IFFO1: variants seen among roughly 807,000 people sequenced by gnomAD.
IFFO1 encodes intermediate filament family orphan 1, also known as non-homologous end joining factor IFFO1.
In IFFO1, 42 loss-of-function variants were observed where a neutral mutation model predicts 59.6. The observed-to-expected ratio is 0.70, with a 90% CI of 0.55 to 0.91. The LOEUF is 0.91. Ranked by LOEUF, IFFO1 falls within the 40% of genes least tolerant of loss-of-function variation. The pLI is 0.00. For synonymous variants in IFFO1, 336 were observed against 342.8 expected, an observed-to-expected ratio of 0.98 and a Z score of 0.22; for missense variants, 711 against 793.2, an observed-to-expected ratio of 0.90 and a Z score of 1.24.
chr12:6,540,534 G>A lies in IFFO1; in HGVS notation c.1665C>T (p.Ser555=), dbSNP rs1277826801. Residue 555 remains serine (S), a synonymous_variant, in exon 10 of 10, where the codon AGC becomes AGT. Coordinates refer to ENST00000619571, the MANE Select transcript of IFFO1 (RefSeq NM_001193457.2). The stretch of plus-strand genomic sequence containing the variant: ...CATCGCGATCGGAGTCCTCAGCCTC[G>A]CTTGGCGGCGGCGGCGGGTCGCTAA... ...VPLSDPPPPP[S]EAEDSDRDVS... is the part of the protein sequence containing the mutation. 19 of 1,613,916 alleles carry A rather than the reference G, an allele frequency of 1.2e-5. No homozygotes were observed. In the East Asian group the frequency reaches 2.7e-4, roughly 23 times the overall value.
chr12:6,551,516 T>G, intron 1 of IFFO1: 1 of 1,279,190 alleles, frequency 7.8e-7, no homozygotes, highest in Admixed American at 2.3e-5. Context: ...GCAGGACACA[T>G]AGTGTATCAA....
chr12:6,553,167 A>G (rs6489722), intron 1 of IFFO1, among the ~76,000 whole-genome samples: 51,411 of 151,958 alleles, frequency 0.34, 9,377 homozygotes, highest in African/African-American at 0.47. Flanking sequence ...GAGGGCAGGG[A>G]ATCTAGGGAG....
In IFFO1 at chr12:6,555,634, G is replaced by C. The variant is rs781698827; in HGVS notation, c.396C>G (p.Ser132Arg). 2 of 1,538,152 alleles carry C rather than the reference G, an allele frequency of 1.3e-6. No individual in the cohort carries two copies. The highest frequency in any genetic ancestry group is 4.3e-5 in the Admixed American group (2 of 46,766). ...RDQAVQTGFV[S>R]PIRPLGLQLG... The stretch of plus-strand genomic sequence containing the variant: ...GCTGCAGCCCCAGGGGCCGGATGGG[G>C]CTGACGAAGCCGGTCTGCACTGCCT... The change falls in exon 1 of 10, where the codon AGC becomes AGG. Residue 132 changes from serine to arginine, a missense_variant. This residue lies in a region of IFFO1 where 579 missense variants were observed against 650.3 expected (regional missense o/e 0.89). Coordinates refer to ENST00000619571, the MANE Select transcript of IFFO1 (RefSeq NM_001193457.2). The surrounding 1 kb of genome is among the most constrained non-coding windows in gnomAD (Gnocchi z 8.6).
In IFFO1 at chr12:6,540,445, T is replaced by C. The variant is rs771234136; in HGVS notation, c.*38A>G. 1 of 1,530,820 alleles carries C rather than the reference T, an allele frequency of 6.5e-7. No individual in the cohort carries two copies. Among genetic ancestry groups the C allele is most frequent in the Non-Finnish European group, 9.1e-7 (1 of 1,104,458 alleles). The allele number at this position is 1,530,820 out of a possible 1,614,324, so 94.8% of individuals were successfully genotyped here. On this transcript the variant is annotated 3_prime_UTR_variant, in exon 10 of 10. Transcript: ENST00000619571. Reference sequence around the variant, plus strand: ...CCACCCTCTGCCTCGCTGAGCTCCCTGCTGCGAGGGCCTCGGGTGCAAGGG... The same window carrying C: ...CCACCCTCTGCCTCGCTGAGCTCCCCGCTGCGAGGGCCTCGGGTGCAAGGG...
intron 3 of IFFO1, chr12:6,550,109 G>T: frequency 2.0e-6 from 1 of 512,616 alleles, no homozygotes; most frequent in Non-Finnish European, 3.4e-6. Flanking sequence ...TCGGGCCACT[G>T]CTCCCTGGCC....
At chr12:6,554,135 G>A in intron 1 of IFFO1, among the ~76,000 whole-genome samples, 1 of 151,758 alleles carries the variant, frequency 6.6e-6, no homozygotes, top group East Asian at 1.9e-4. Flanking sequence ...AACTCCAGCA[G>A]GGTGGAGATC....
At chr12:6,550,421 G>GC in intron 3 of IFFO1, 1 of 523,834 alleles carries the variant, frequency 1.9e-6, no homozygotes, top group Non-Finnish European at 3.4e-6. Flanking sequence ...CAGCGCCCCG[G>GC]CGCCAGCTGC....
chr12:6,550,901 C>T (rs1239099112), intron 2 of IFFO1, 40 bp downstream of exon 2: 4 of 1,611,244 alleles, frequency 2.5e-6, no homozygotes, highest in South Asian at 2.2e-5. Context: ...GACAGGGGTA[C>T]CCAGGGAAGC....
intron 8 of IFFO1, among the ~76,000 whole-genome samples, chr12:6,547,067 T>G (rs1946999110): frequency 6.6e-6 from 1 of 152,226 alleles, no homozygotes; most frequent in Non-Finnish European, 1.5e-5. Context: ...TTATTTCATC[T>G]GATCTTCTAA....
chr12:6,550,404 A>C, intron 3 of IFFO1: 1 of 504,076 alleles, frequency 2.0e-6, no homozygotes, highest in Non-Finnish European at 3.6e-6. Context: ...AGGCTGAGGA[A>C]TCGGCCCAGC....
Position 6,548,428 on chromosome 12 carries a change from T to C in IFFO1, c.1380A>G (p.Gly460=). Residue 460 remains glycine, a synonymous_variant, in exon 7 of 10, where the codon GGA becomes GGG. Coordinates refer to ENST00000619571, the MANE Select transcript of IFFO1 (RefSeq NM_001193457.2). The surrounding 1 kb of genome is among the most constrained non-coding windows in gnomAD (Gnocchi z 6.1). ...GYAMAAAEAQ[G]EQQEDSLEKV... is the part of the protein sequence containing the mutation. Reference sequence around the variant, plus strand: ...TGAGGCCGGGAGCAGAGGTTACCTCTCCCTGGGCCTCTGCAGCTGCCATGG... The same window carrying C: ...TGAGGCCGGGAGCAGAGGTTACCTCCCCCTGGGCCTCTGCAGCTGCCATGG... 3 of 1,609,874 alleles carry C rather than the reference T, an allele frequency of 1.9e-6. No homozygotes were observed. The highest frequency in any genetic ancestry group is 2.5e-6 in the Non-Finnish European group (3 of 1,177,814).
chr12:6,551,006 C>A lies in IFFO1; in HGVS notation c.774-5G>T. On this transcript the variant is annotated splice_polypyrimidine_tract_variant and splice_region_variant and intron_variant, in intron 1 of 9. Transcript: ENST00000619571. ...ACCGTGTACTCCTCTTCCCACCTGACAGACATGGGAAGGGCGGAGAGAGCT... is the reference window on the plus strand; with the variant it reads ...ACCGTGTACTCCTCTTCCCACCTGAAAGACATGGGAAGGGCGGAGAGAGCT... 1 of 1,614,026 alleles carries A rather than the reference C, an allele frequency of 6.2e-7. No individual in the cohort carries two copies. Among genetic ancestry groups the A allele is most frequent in the Non-Finnish European group, 8.5e-7 (1 of 1,179,920 alleles).
rs776944915 is a variant in IFFO1 at position 6,555,370 on chromosome 12, C to T, written c.660G>A (p.Ser220=). 19 of 1,614,106 alleles carry T rather than the reference C, an allele frequency of 1.2e-5. No individual in the cohort carries two copies. The highest frequency in any genetic ancestry group is 6.6e-5 in the South Asian group (6 of 91,094). Reference sequence around the variant, plus strand: ...CGCCCACCCCATCCGGGTGCACCCACGACAAGCCAGGCCCTTGCACCAGAG... The same window carrying T: ...CGCCCACCCCATCCGGGTGCACCCATGACAAGCCAGGCCCTTGCACCAGAG... ...EPTLVQGPGL[S]WVHPDGVGVQ... is the part of the protein sequence containing the mutation. The change falls in exon 1 of 10, where the codon TCG becomes TCA. Residue 220 remains serine (S), a synonymous_variant. Coordinates refer to ENST00000619571, the MANE Select transcript of IFFO1 (RefSeq NM_001193457.2). This position sits in a 1 kb window ranked among gnomAD's most constrained non-coding sequence, Gnocchi z 8.6.
At chr12:6,552,687 C>G (rs1233585871) in intron 1 of IFFO1, among the ~76,000 whole-genome samples, 1 of 152,064 alleles carries the variant, frequency 6.6e-6, no homozygotes, top group Admixed American at 6.6e-5. Context: ...ACAGTGAGCT[C>G]AACAGAGCCT....
intron 1 of IFFO1, among the ~76,000 whole-genome samples, chr12:6,554,871 T>C (rs901694989): frequency 4.6e-5 from 7 of 152,138 alleles, no homozygotes; most frequent in Non-Finnish European, 1.0e-4. Flanking sequence ...CAATTTAGTC[T>C]CCCAAATTTA....
In IFFO1 at chr12:6,541,475, C is replaced by A. The variant is rs2136090317; in HGVS notation, c.1610+37G>T. The A allele has an allele frequency of 2.5e-6, 4 of 1,609,380 alleles. No homozygotes were observed. The highest frequency in any genetic ancestry group is 3.4e-6 in the Non-Finnish European group (4 of 1,179,130). On this transcript the variant is annotated intron_variant, in intron 9 of 9. Coordinates refer to ENST00000619571, the MANE Select transcript of IFFO1 (RefSeq NM_001193457.2). The surrounding 1 kb of genome is among the most constrained non-coding windows in gnomAD (Gnocchi z 4.8). Reference sequence around the variant, plus strand: ...GTTCCAACCTTTCTCCCCGCTGTGTCCCCCTGGAAGGCCCCATGCCCAGGG... The same window carrying A: ...GTTCCAACCTTTCTCCCCGCTGTGTACCCCTGGAAGGCCCCATGCCCAGGG...
At position 6,550,796 on chromosome 12, in the gene IFFO1, G is replaced by T; in HGVS notation, c.835-6C>A. The T allele has an allele frequency of 1.2e-6, 2 of 1,613,724 alleles. No individual in the cohort carries two copies. Among genetic ancestry groups the T allele is most frequent in the Non-Finnish European group, 1.7e-6 (2 of 1,179,692 alleles). The stretch of plus-strand genomic sequence containing the variant: ...GCATCAGCCTCCTGGGCTTCCTGCA[G>T]TTGGGAGAAACCCTGATGTTGGTGG... On this transcript the variant is annotated splice_polypyrimidine_tract_variant and splice_region_variant and intron_variant, in intron 2 of 9. Coordinates refer to ENST00000619571, the MANE Select transcript of IFFO1 (RefSeq NM_001193457.2).
At position 6,555,880 on chromosome 12, in the gene IFFO1, G is replaced by A. The variant is rs560034678; in HGVS notation, c.150C>T (p.Ala50=). 2 of 1,597,780 alleles carry A rather than the reference G, an allele frequency of 1.3e-6. No individual in the cohort carries two copies. Among genetic ancestry groups the A allele is most frequent in the African/African-American group, 1.4e-5 (1 of 73,878 alleles). Residue 50 remains alanine (A), a synonymous_variant, in exon 1 of 10, where the codon GCC becomes GCT. Coordinates refer to ENST00000619571, the MANE Select transcript of IFFO1 (RefSeq NM_001193457.2). The surrounding 1 kb of genome is among the most constrained non-coding windows in gnomAD (Gnocchi z 8.6). ...PAPLSPAGPA[A]YSPPGPGPAP... is the part of the protein sequence containing the mutation. ...CCGGGCCCGGCCCGGGCGGCGAGTA[G>A]GCAGCAGGGCCGGCCGGCGAGAGAG...
chr12:6,546,928 T>A (rs1946993316), intron 8 of IFFO1, among the ~76,000 whole-genome samples: 1 of 152,070 alleles, frequency 6.6e-6, no homozygotes, highest in Admixed American at 6.5e-5. Context: ...AAAGGCTGAG[T>A]GGAAGAAACA....
Sources: gnomAD v4.1 joint callset for allele counts (sites outside exome capture counted in the v4.1 genomes callset) on GRCh38, gnomAD v4.1.1 for gene constraint, gnomAD v4.1.1 regional missense constraint, Gnocchi (gnomAD v3.1) non-coding constraint, MANE v1.5 for transcripts, NCBI Gene and HGNC (gene_info 2026-07-23, HGNC 2026-07-21) for gene names.